HJURP: variants seen among roughly 807,000 people sequenced by gnomAD.
HJURP encodes the protein 14-3-3-associated AKT substrate.
HJURP carries 49 observed loss-of-function variants against 72.0 expected under a neutral mutation model. That is an observed-to-expected ratio of 0.68 (90% CI 0.54 to 0.86). The LOEUF is 0.86. HJURP is among the 40% of genes least tolerant of loss of function. HJURP has a pLI of 0.00. For synonymous variants in HJURP, 357 were observed against 347.1 expected, an observed-to-expected ratio of 1.03 and a Z score of -0.32; for missense variants, 908 against 936.3, an observed-to-expected ratio of 0.97 and a Z score of 0.39.
rs1408522284 is a variant in HJURP at position 233,842,071 on chromosome 2, G to A, written c.709C>T (p.Gln237Ter). The change falls in exon 8 of 9, where the codon CAA becomes TAA. Residue 237 changes from glutamine to a stop codon, truncating the protein, a stop_gained. Coordinates refer to ENST00000411486, the MANE Select transcript of HJURP (RefSeq NM_018410.5). LOFTEE classifies it high-confidence loss of function. ...LVPRNDSLSLQETSSSSFLSS... is the reference protein window; with the variant it reads ...LVPRNDSLSL ...AAGAAGCTGCTGCTACTGGTCTCTT[G>A]TAGGGAGAGGCTGTCATTTCTAGGT... 1 of 1,614,220 alleles carries A rather than the reference G, an allele frequency of 6.2e-7. No homozygotes were observed. Among genetic ancestry groups the A allele is most frequent in the Non-Finnish European group, 8.5e-7 (1 of 1,180,034 alleles).
chr2:233,845,052 C>A (rs983867250), intron 6 of HJURP, among the ~76,000 whole-genome samples: 1 of 151,818 alleles, frequency 6.6e-6, no homozygotes, highest in Admixed American at 6.6e-5. Flanking sequence ...CTAGCCTGAT[C>A]GCACCAGGGA....
rs571736487 is a variant in HJURP at position 233,854,000 on chromosome 2, G to GT, written c.118-91dup. ...AGGCGGCGCCAGCCCGTGAGAGGCC[G>GT]TTAGTCTGGCCTGGGGCGCCCCAAA... On this transcript the variant is annotated intron_variant, in intron 1 of 8. Transcript: ENST00000411486. 121 of 1,192,046 alleles carry GT rather than the reference G, an allele frequency of 1.0e-4. No homozygotes were observed. In the East Asian group the frequency reaches 1.8e-3, roughly 18 times the overall value. The allele number at this position is 1,192,046 out of a possible 1,614,324, so 73.8% of individuals were successfully genotyped here. A position where few individuals can be genotyped will look rare whatever the true frequency, so the allele number is the denominator to read the frequency against.
intron 8 of HJURP, 148 bp from the exon 9 acceptor site, chr2:233,837,800 T>C: frequency 1.6e-6 from 1 of 624,016 alleles, no homozygotes; most frequent in Non-Finnish European, 2.8e-6. Flanking sequence ...ATAAGTAAGT[T>C]ATGTTAAAGA....
rs529963 is a variant in HJURP at position 233,849,854 on chromosome 2, G to A, written c.246C>T (p.Ser82=). The A allele has an allele frequency of 0.17, 260,410 of 1,547,084 alleles. 23,184 individuals carry two copies. Among genetic ancestry groups the A allele is most frequent in the African/African-American group, 0.28 (20,344 of 72,986 alleles). The stretch of plus-strand genomic sequence containing the variant: ...CTGTCCTGTCCGCGGGCTTCATGGA[G>A]GAGTCCTCCAAGTGCAGAAGCCAAT... ...KERNEGEIQD[S]SMKPADRTDG... Residue 82 remains serine (S), a synonymous_variant, in exon 4 of 9, where the codon TCC becomes TCT. Coordinates refer to ENST00000411486, the MANE Select transcript of HJURP (RefSeq NM_018410.5).
At chr2:233,848,509 G>A (rs1265752234) in intron 4 of HJURP, among the ~76,000 whole-genome samples, 1 of 152,196 alleles carries the variant, frequency 6.6e-6, no homozygotes, top group Non-Finnish European at 1.5e-5. Flanking sequence ...GCTCAGCGGG[G>A]ACATGAGAGC....
chr2:233,853,860 G>A lies in HJURP; in HGVS notation c.168C>T (p.Thr56=). ...GACCCTTACCCTGTGGCGTCTCGTAGGTCAGCGTGGCCATTTGCACCACCG... is the reference window on the plus strand; with the variant it reads ...GACCCTTACCCTGTGGCGTCTCGTAAGTCAGCGTGGCCATTTGCACCACCG... ...DTPVVQMATL[T]YETPQGLRIW... The change falls in exon 2 of 9, where the codon ACC becomes ACT. Residue 56 remains threonine (T), a synonymous_variant. Coordinates refer to ENST00000411486, the MANE Select transcript of HJURP (RefSeq NM_018410.5). 1 of 1,613,986 alleles carries A rather than the reference G, an allele frequency of 6.2e-7. No homozygotes were observed. The highest frequency in any genetic ancestry group is 8.5e-7 in the Non-Finnish European group (1 of 1,179,866).
chr2:233,840,439 G>C (rs565469408), intron 8 of HJURP, among the ~76,000 whole-genome samples, 170 bp downstream of exon 8: 1 of 152,310 alleles, frequency 6.6e-6, no homozygotes, highest in African/African-American at 2.4e-5. Flanking sequence ...TAGAGACGCT[G>C]ACTTTACAGG....
In HJURP at chr2:233,854,493, C is replaced by T; in HGVS notation, c.8G>A (p.Gly3Asp). 1.9e-6 allele frequency: 3 copies of T among 1,611,110 alleles called. No individual in the cohort carries two copies. Among genetic ancestry groups the T allele is most frequent in the Middle Eastern group, 1.7e-4 (1 of 6,052 alleles). Residue 3 changes from glycine to aspartate, a missense_variant, in exon 1 of 9, where the codon GGT (glycine) becomes GAT (aspartate). Gly to Asp is a moderately conservative substitution (Grantham distance 94). Coordinates refer to ENST00000411486, the MANE Select transcript of HJURP (RefSeq NM_018410.5). ML[G>D]TLRAMEGEDV... ...CTCGCCCTCCATGGCGCGCAGCGTA[C>T]CCAGCATCGGACCCAGCCAGTACCC...
In HJURP at chr2:233,841,088, G is replaced by T. The variant is rs1328571157; in HGVS notation, c.1692C>A (p.Val564=). 1.2e-6 allele frequency: 2 copies of T among 1,614,008 alleles called. No homozygotes were observed. The highest frequency in any genetic ancestry group is 1.3e-5 in the African/African-American group (1 of 74,894). The change falls in exon 8 of 9, where the codon GTC becomes GTA. Residue 564 remains valine, a synonymous_variant. Coordinates refer to ENST00000411486, the MANE Select transcript of HJURP (RefSeq NM_018410.5). ...CGTGGCCTGGCACTTCTTTATCTGG[G>T]ACTGAAAGAGTTTTGCTGGGTGACA... ...KSVSPSKTLS[V]PDKEVPGHGR...
intron 4 of HJURP, 97 bp from the exon 5 acceptor site, chr2:233,847,558 A>G (rs1705394474): frequency 9.8e-7 from 1 of 1,020,940 alleles, no homozygotes; most frequent in Non-Finnish European, 1.5e-6. Flanking sequence ...TAAGTTGTAC[A>G]GTAAAAATCC....
rs1269574665 is a variant in HJURP, at chr2:233,854,445, A to G, written c.56T>C (p.Leu19Pro). Residue 19 changes from leucine (L) to proline (P), a missense_variant, in exon 1 of 9, where the codon CTG becomes CCG. Around this residue, in one of 3 missense-constraint regions of HJURP, gnomAD observed 299 missense variants for 286.7 expected, o/e 1.04. Transcript: ENST00000411486. ...GCGGCGACTGGCCCTGAGCTTCTGC[A>G]GCAGCTGGTCGTCTTCCACGTCCTC... is the stretch of plus-strand genomic sequence containing the variant. ...EGEDVEDDQL[L>P]QKLRASRRRF... The G allele has an allele frequency of 6.2e-7, 1 of 1,612,404 alleles. No homozygotes were observed. The highest frequency in any genetic ancestry group is 2.2e-5 in the East Asian group (1 of 44,734).
chr2:233,844,362 G>A (rs169925), intron 6 of HJURP, 79 bp from the exon 7 acceptor site: 700,868 of 1,029,012 alleles, frequency 0.68, 240,308 homozygotes, highest in African/African-American at 0.77. Context: ...CTCCCCTGAC[G>A]ATGCGGACTG....
At chr2:233,845,929 C>A in intron 5 of HJURP, 109 bp from the exon 6 acceptor site, 1 of 699,966 alleles carries the variant, frequency 1.4e-6, no homozygotes, top group East Asian at 2.5e-5. Context: ...TTTACATGAT[C>A]CTACTCAAAG....
chr2:233,853,276 A>G (rs1351305179), intron 2 of HJURP, among the ~76,000 whole-genome samples: 1 of 152,218 alleles, frequency 6.6e-6, no homozygotes, highest in African/African-American at 2.4e-5. Context: ...AGCCAGTGCA[A>G]AGTGTCACCA....
intron 1 of HJURP, 32 bp downstream of exon 1, chr2:233,854,352 C>T: frequency 6.6e-7 from 1 of 1,504,550 alleles, no homozygotes. Context: ...ACACGCAGGC[C>T]TCCCCTCCCG....
intron 7 of HJURP, 127 bp downstream of exon 7, chr2:233,844,078 A>G: frequency 4.3e-6 from 3 of 701,798 alleles, no homozygotes; most frequent in South Asian, 3.5e-5. Flanking sequence ...ATCTCTAACA[A>G]GTTATGTTGA....
Position 233,844,217 on chromosome 2 carries a change from C to A in HJURP, c.562G>T (p.Val188Leu). ...TPLPSLASPA[V>L]PAPGYCSRIS... ...ATGTCACACTCACCGGGGGCAGGCA[C>A]GGCAGGTGAGGCCAGTGAAGGCAGC... The change falls in exon 7 of 9, where the codon GTG (valine) becomes TTG (leucine). Residue 188 changes from valine to leucine, a missense_variant. Val to Leu is a conservative substitution (Grantham distance 32). This residue lies in a region of HJURP where 299 missense variants were observed against 286.7 expected (regional missense o/e 1.04). Coordinates refer to ENST00000411486, the MANE Select transcript of HJURP (RefSeq NM_018410.5). 3.1e-6 allele frequency: 5 copies of A among 1,614,026 alleles called. 1 individual carries two copies. The South Asian group carries it at 4.4e-5, about 14-fold the overall frequency.
In HJURP at chr2:233,852,565, C is replaced by G; in HGVS notation, c.240G>C (p.Gln80His). ...GGCAATAAAATTTGACACTAAATAC[C>G]TGGATCTCTCCTTCGTTTCTTTCCT... ...LIKERNEGEI[Q>H]DSSMKPADRT... Residue 80 changes from glutamine (Q) to histidine (H), a missense_variant and splice_region_variant, in exon 3 of 9, where the codon CAG becomes CAC. Around this residue, in one of 3 missense-constraint regions of HJURP, gnomAD observed 299 missense variants for 286.7 expected, o/e 1.04. Coordinates refer to ENST00000411486, the MANE Select transcript of HJURP (RefSeq NM_018410.5). 1 of 1,595,038 alleles carries G rather than the reference C, an allele frequency of 6.3e-7. No homozygotes were observed. Among genetic ancestry groups the G allele is most frequent in the Non-Finnish European group, 8.6e-7 (1 of 1,162,358 alleles).
At position 233,854,514 on chromosome 2, in the gene HJURP, T is replaced by G. The variant is rs769624194; in HGVS notation, c.-14A>C. On this transcript the variant is annotated 5_prime_UTR_variant, in exon 1 of 9. Transcript: ENST00000411486. ...CGTACCCAGCATCGGACCCAGCCAG[T>G]ACCCAAGCGCCAACCCGGACTGCAG... 1 of 1,593,538 alleles carries G rather than the reference T, an allele frequency of 6.3e-7. No individual in the cohort carries two copies. Among genetic ancestry groups the G allele is most frequent in the Non-Finnish European group, 8.6e-7 (1 of 1,167,094 alleles).
Sources: gnomAD v4.1 joint callset for allele counts (sites outside exome capture counted in the v4.1 genomes callset) on GRCh38, gnomAD v4.1.1 for gene constraint, gnomAD v4.1.1 regional missense constraint, MANE v1.5 for transcripts, NCBI Gene and HGNC (gene_info 2026-07-23, HGNC 2026-07-21) for gene names.